The following SLIT3 variants were observed in gnomAD, a reference collection of about 807,000 sequenced individuals.
The protein encoded by SLIT3 is slit homolog 3 protein.
Under a neutral mutation model 184.0 loss-of-function variants are expected in SLIT3, and 68 were observed. The ratio of observed to expected loss-of-function variants is 0.37; its 90% CI spans 0.30 to 0.45. SLIT3 has a LOEUF of 0.45. Ranked by LOEUF, SLIT3 falls within the 20% of genes least tolerant of loss-of-function variation. SLIT3 has a pLI of 1.00. For missense variants in SLIT3, 1,707 were observed against 2,026.0 expected (o/e 0.84, Z 3.02); for synonymous variants, 831 against 828.6 (o/e 1.00, Z -0.05).
chr5:169,189,961 T>A (rs1359204709), intron 4 of SLIT3, among the ~76,000 whole-genome samples: 1 of 152,204 alleles, frequency 6.6e-6, no homozygotes, highest in Non-Finnish European at 1.5e-5. Flanking sequence ...CGCAGGGAAC[T>A]GCATACAGTG....
Position 168,817,330 on chromosome 5 carries a change from C to G in SLIT3, c.763G>C (p.Asp255His). 6.2e-7 allele frequency: 1 copy of G among 1,614,194 alleles called. No individual in the cohort carries two copies. The highest frequency in any genetic ancestry group is 8.5e-7 in the Non-Finnish European group (1 of 1,180,034). The change falls in exon 8 of 36, where the codon GAT becomes CAT. Residue 255 changes from aspartate to histidine, a missense_variant. Transcript: ENST00000519560. ...CACACGTACTCCTTCTTCTGCACAT[C>G]CGCCACGTTGAAGCCCCTCAAATGC... is the stretch of plus-strand genomic sequence containing the variant. ...PVHLRGFNVA[D>H]VQKKEYVCPA...
intron 23 of SLIT3, among the ~76,000 whole-genome samples, chr5:168,713,735 T>C (rs368984844): frequency 9.2e-5 from 14 of 152,242 alleles, no homozygotes; most frequent in African/African-American, 3.4e-4. Flanking sequence ...TTACTCTTGA[T>C]AGAGAACAGT....
At chr5:169,048,138 T>C (rs1561630508) in intron 4 of SLIT3, among the ~76,000 whole-genome samples, 1 of 152,166 alleles carries the variant, frequency 6.6e-6, no homozygotes, top group Non-Finnish European at 1.5e-5. Flanking sequence ...AAGGAGAAAC[T>C]GATGAGGCTG....
chr5:168,903,461 A>G (rs1260129704), intron 4 of SLIT3, among the ~76,000 whole-genome samples: 1 of 152,160 alleles, frequency 6.6e-6, no homozygotes, highest in Non-Finnish European at 1.5e-5. Context: ...GCTGGATCCC[A>G]TTCTCTAGAT....
rs1761311127 is a variant in SLIT3 at position 168,673,346 on chromosome 5, A to T, written c.3687-15T>A. ...CTGTCTCCACACTGGCCAGTAGAGA[A>T]GGGGAGAAAGCCGGAGAGTTCACTA... On this transcript the variant is annotated splice_polypyrimidine_tract_variant and intron_variant, in intron 32 of 35. Transcript: ENST00000519560. 1.9e-6 allele frequency: 3 copies of T among 1,613,694 alleles called. No individual in the cohort carries two copies. The Admixed American group carries it at 5.0e-5, about 27-fold the overall frequency.
chr5:168,848,861 C>T (rs1371773950), intron 5 of SLIT3, among the ~76,000 whole-genome samples: 1 of 152,160 alleles, frequency 6.6e-6, no homozygotes, highest in East Asian at 1.9e-4. Flanking sequence ...CCTATTATCA[C>T]AGTTCATCTC....
At chr5:169,088,312 T>A (rs1369660044) in intron 4 of SLIT3, among the ~76,000 whole-genome samples, 1 of 152,136 alleles carries the variant, frequency 6.6e-6, no homozygotes, top group East Asian at 1.9e-4. Flanking sequence ...ACAGCACGTA[T>A]TACAAAGGGT....
intron 3 of SLIT3, among the ~76,000 whole-genome samples, chr5:169,197,500 T>G (rs765883368): frequency 2.6e-5 from 4 of 152,150 alleles, no homozygotes; most frequent in Non-Finnish European, 5.9e-5. Flanking sequence ...AGACATGCTG[T>G]TCTCCTGATA....
intron 4 of SLIT3, among the ~76,000 whole-genome samples, chr5:168,930,926 A>G (rs1761968841): frequency 6.6e-6 from 1 of 152,104 alleles, no homozygotes; most frequent in Admixed American, 6.6e-5. Flanking sequence ...TGAAGATGAA[A>G]CATCCTATTT....
intron 1 of SLIT3, among the ~76,000 whole-genome samples, chr5:169,289,306 G>C (rs1056170690): frequency 2.0e-5 from 3 of 152,206 alleles, no homozygotes; most frequent in Non-Finnish European, 2.9e-5. Context: ...GCTGGAGAGA[G>C]AAGAAGAGGA....
intron 20 of SLIT3, among the ~76,000 whole-genome samples, chr5:168,735,471 C>G (rs750962299): frequency 2.0e-5 from 3 of 152,150 alleles, no homozygotes; most frequent in Admixed American, 6.5e-5. Flanking sequence ...CTGTGTGACC[C>G]TGGGTGAAGT....
chr5:169,240,209 GTCTAT>G (rs1479358986), intron 3 of SLIT3, among the ~76,000 whole-genome samples: 6 of 152,016 alleles, frequency 3.9e-5, no homozygotes, highest in Admixed American at 2.6e-4. Context: ...TTGAAAAGAT[GTCTAT>G]TCTATGTTGT....
chr5:168,719,760 G>A (rs1375607521), intron 23 of SLIT3, among the ~76,000 whole-genome samples: 1 of 152,168 alleles, frequency 6.6e-6, no homozygotes, highest in East Asian at 1.9e-4. Context: ...TAATTAGTGG[G>A]AGAAAGGACA....
intron 26 of SLIT3, among the ~76,000 whole-genome samples, chr5:168,704,162 T>C (rs1026368756): frequency 6.6e-6 from 1 of 152,086 alleles, no homozygotes; most frequent in Non-Finnish European, 1.5e-5. Flanking sequence ...TGCATTTTAA[T>C]AAGCTCTCCA....
chr5:169,210,852 G>A (rs191225282), intron 3 of SLIT3, among the ~76,000 whole-genome samples: 63 of 152,316 alleles, frequency 4.1e-4, no homozygotes, highest in Admixed American at 3.9e-3. Flanking sequence ...GGGTTTGGCC[G>A]TGTGATTTTG....
At chr5:169,153,972 T>C (rs911261193) in intron 4 of SLIT3, among the ~76,000 whole-genome samples, 2 of 110,332 alleles carry the variant, frequency 1.8e-5, no homozygotes, top group Non-Finnish European at 1.7e-5. Context: ...GCTCCCAGCC[T>C]TTTTTTTTTT....
chr5:168,710,587 G>C (rs1352966385), intron 25 of SLIT3, among the ~76,000 whole-genome samples: 1 of 150,370 alleles, frequency 6.7e-6, no homozygotes, highest in East Asian at 1.9e-4. Context: ...AACATAGTGA[G>C]ACCTTGTCTC....
chr5:168,860,524 G>A (rs1230265377), intron 5 of SLIT3, among the ~76,000 whole-genome samples: 2 of 152,054 alleles, frequency 1.3e-5, no homozygotes, highest in Non-Finnish European at 2.9e-5. Context: ...ACATCTTGGT[G>A]GGGGAGGGAA....
At chr5:168,964,444 C>A (rs983922205) in intron 4 of SLIT3, among the ~76,000 whole-genome samples, 1 of 152,174 alleles carries the variant, frequency 6.6e-6, no homozygotes, top group Non-Finnish European at 1.5e-5. Flanking sequence ...CATAGTTTTA[C>A]GTATTATTGG....
Sources: gnomAD v4.1 joint callset for allele counts (sites outside exome capture counted in the v4.1 genomes callset) on GRCh38, gnomAD v4.1.1 for gene constraint, MANE v1.5 for transcripts, NCBI Gene and HGNC (gene_info 2026-07-23, HGNC 2026-07-21) for gene names.